PCNX2: variants seen among roughly 807,000 people sequenced by gnomAD.
PCNX2 encodes the protein pecanex-like protein 2.
Under a neutral mutation model 223.8 loss-of-function variants are expected in PCNX2, and 168 were observed. The ratio of observed to expected loss-of-function variants is 0.75; its 90% CI spans 0.66 to 0.85. The LOEUF (loss-of-function observed/expected upper bound fraction) is 0.85. Ranked by LOEUF, PCNX2 falls within the 40% of genes least tolerant of loss-of-function variation. The pLI is 0.00. For synonymous variants in PCNX2, 1,006 were observed against 1,052.6 expected (o/e 0.96, Z 0.86); for missense variants, 2,507 against 2,675.5 (o/e 0.94, Z 1.39).
intron 28 of PCNX2, among the ~76,000 whole-genome samples, chr1:233,007,741 T>C (rs189769158): frequency 1.2e-4 from 18 of 150,576 alleles, no homozygotes; most frequent in Admixed American, 9.2e-4. Flanking sequence ...GGTTTCACCA[T>C]GTTGGCCAGG....
At chr1:233,156,090 TCTC>T (rs759429985) in intron 19 of PCNX2, among the ~76,000 whole-genome samples, 15 of 152,292 alleles carry the variant, frequency 9.8e-5, no homozygotes, top group Non-Finnish European at 2.1e-4. Context: ...AGAATTTTAC[TCTC>T]CTAATTCAAA....
At chr1:233,200,599 A>G (rs1681024320) in intron 13 of PCNX2, among the ~76,000 whole-genome samples, 1 of 152,066 alleles carries the variant, frequency 6.6e-6, no homozygotes, top group African/African-American at 2.4e-5. Flanking sequence ...ACACAAGGCC[A>G]GGACTGAGCA....
chr1:233,283,671 G>T (rs939396489), intron 1 of PCNX2, among the ~76,000 whole-genome samples: 1 of 151,798 alleles, frequency 6.6e-6, no homozygotes, highest in Admixed American at 6.6e-5. Flanking sequence ...ACTAAAAAGT[G>T]CAACAAAACT....
At chr1:233,318,543 ATCTTTT>A in the PCNX2 span, among the ~76,000 whole-genome samples, 71 of 130,120 alleles carry the variant, frequency 5.5e-4, no homozygotes, top group Non-Finnish European at 5.3e-4. Context: ...CTCCCCCACC[ATCTTTT>A]TCTTTTTCTT....
In PCNX2 at chr1:233,200,210, T is replaced by C. The variant is rs1464087991; in HGVS notation, c.2918A>G (p.Asn973Ser). The C allele has an allele frequency of 3.8e-6, 6 of 1,595,498 alleles. No homozygotes were observed. The African/African-American group carries it at 4.0e-5, about 11-fold the overall frequency. The part of the protein sequence containing the change: ...ISLLGLFPQI[N>S]TFCTYLLEQI... ...CTCCAAAAGATAAGTGCAGAAAGTG[T>C]TGATTTGCGGGAAGAGCCCAAGGAG... Residue 973 changes from asparagine (N) to serine (S), a missense_variant, in exon 14 of 34, where the codon AAC becomes AGC. This residue lies in a region of PCNX2 where 1,372 missense variants were observed against 1,509.4 expected (regional missense o/e 0.91). Coordinates refer to ENST00000258229, the MANE Select transcript of PCNX2 (RefSeq NM_014801.4).
At chr1:233,051,998 A>C (rs1022316511) in intron 25 of PCNX2, among the ~76,000 whole-genome samples, 1 of 152,136 alleles carries the variant, frequency 6.6e-6, no homozygotes, top group Non-Finnish European at 1.5e-5. Flanking sequence ...CTCTCGTGAC[A>C]TTTTCTGGCA....
chr1:233,215,710 T>C (rs1183965060), intron 12 of PCNX2, among the ~76,000 whole-genome samples: 4 of 152,208 alleles, frequency 2.6e-5, no homozygotes, highest in African/African-American at 9.6e-5. Context: ...GAGAGTTGAC[T>C]GAGGCAGGAG....
intron 27 of PCNX2, among the ~76,000 whole-genome samples, chr1:233,016,234 C>T (rs1186215846): frequency 6.6e-6 from 1 of 152,146 alleles, no homozygotes; most frequent in Non-Finnish European, 1.5e-5. Context: ...TAGGACATGC[C>T]ACAGACTGCA....
At chr1:233,089,517 T>A (rs1456241382) in intron 23 of PCNX2, among the ~76,000 whole-genome samples, 1 of 152,198 alleles carries the variant, frequency 6.6e-6, no homozygotes, top group African/African-American at 2.4e-5. Flanking sequence ...AATCACCAAT[T>A]GCTTAAGGAA....
intron 21 of PCNX2, chr1:233,125,796 G>T (rs185379287): frequency 6.6e-6 from 1 of 152,200 alleles, no homozygotes; most frequent in Non-Finnish European, 1.5e-5. Flanking sequence ...TTACCACCAC[G>T]TAGAGACAGC....
At chr1:233,029,714 T>C (rs1671200579) in intron 25 of PCNX2, among the ~76,000 whole-genome samples, 1 of 152,228 alleles carries the variant, frequency 6.6e-6, no homozygotes, top group African/African-American at 2.4e-5. Context: ...CACTTAAAAA[T>C]ATTATTCCAT....
At chr1:232,985,898 A>G (rs1669455837) in intron 33 of PCNX2, 194 bp downstream of exon 33, 1 of 661,308 alleles carries the variant, frequency 1.5e-6, no homozygotes, top group Non-Finnish European at 2.7e-6. Flanking sequence ...TCTGCTCTGT[A>G]TCTTGTCTGC....
intron 13 of PCNX2, 42 bp downstream of exon 13, chr1:233,208,476 C>G (rs1356493740): frequency 1.3e-6 from 2 of 1,566,232 alleles, no homozygotes; most frequent in South Asian, 1.1e-5. Context: ...AGACATACCC[C>G]CAACCCCCAT....
chr1:233,068,744 A>G (rs1672725004), intron 23 of PCNX2, among the ~76,000 whole-genome samples: 1 of 152,088 alleles, frequency 6.6e-6, no homozygotes, highest in Non-Finnish European at 1.5e-5. Flanking sequence ...ATCAAAATAG[A>G]ATTCTGAAAA....
At chr1:233,237,607 T>C (rs1658498151) in intron 8 of PCNX2, among the ~76,000 whole-genome samples, 2 of 152,194 alleles carry the variant, frequency 1.3e-5, no homozygotes, top group African/African-American at 4.8e-5. Context: ...CTGGCATTTT[T>C]TTCCTTTGCC....
chr1:233,296,986 A>C (rs1363372334), upstream of PCNX2, among the ~76,000 whole-genome samples: 2 of 152,214 alleles, frequency 1.3e-5, no homozygotes, highest in Non-Finnish European at 2.9e-5. Flanking sequence ...TACATTCATC[A>C]GTAGGAATGA....
chr1:233,267,076 T>C (rs1451814700), intron 1 of PCNX2, among the ~76,000 whole-genome samples: 1 of 152,116 alleles, frequency 6.6e-6, no homozygotes, highest in Admixed American at 6.5e-5. Flanking sequence ...CCCAGCACTT[T>C]GGGAGGCCAA....
At chr1:233,004,371 C>A (rs1443340018) in intron 28 of PCNX2, among the ~76,000 whole-genome samples, 1 of 152,008 alleles carries the variant, frequency 6.6e-6, no homozygotes, top group Non-Finnish European at 1.5e-5. Flanking sequence ...CTCTCAGAGC[C>A]TGGGGCCTTT....
chr1:233,148,161 G>T (rs551214486), intron 19 of PCNX2, among the ~76,000 whole-genome samples: 50 of 152,272 alleles, frequency 3.3e-4, no homozygotes, highest in African/African-American at 1.2e-3. Context: ...CAGCAAATGT[G>T]TTTACACTAT....
Sources: gnomAD v4.1 joint callset for allele counts (sites outside exome capture counted in the v4.1 genomes callset) on GRCh38, gnomAD v4.1.1 for gene constraint, gnomAD v4.1.1 regional missense constraint, MANE v1.5 for transcripts, NCBI Gene and HGNC (gene_info 2026-07-23, HGNC 2026-07-21) for gene names.